The following ARHGEF28 variants were observed in gnomAD, a reference collection of about 807,000 sequenced individuals.
ARHGEF28 encodes Rho guanine nucleotide exchange factor 28.
A neutral mutation model predicts 206.6 loss-of-function variants in ARHGEF28; 152 were observed. That is an observed-to-expected ratio of 0.74 (90% confidence interval 0.64 to 0.84). The LOEUF (loss-of-function observed/expected upper bound fraction) is 0.84, where lower values mean the gene tolerates loss of function less well. Ranked by LOEUF, ARHGEF28 falls within the 40% of genes least tolerant of loss-of-function variation. The pLI, the probability that ARHGEF28 is intolerant of heterozygous loss-of-function variation, is 0.00. For synonymous variants in ARHGEF28, 763 were observed against 776.4 expected, an observed-to-expected ratio of 0.98 and a Z score of 0.29; for missense variants, 2,028 against 2,073.2, an observed-to-expected ratio of 0.98 and a Z score of 0.42.
chr5:73,928,051 A>C (rs1763915045), intron 35 of ARHGEF28, among the ~76,000 whole-genome samples: 1 of 152,238 alleles, frequency 6.6e-6, no homozygotes, highest in South Asian at 2.1e-4. Flanking sequence ...TGTTTTCCTG[A>C]ATACTGTGAA....
chr5:73,794,584 T>C, intron 8 of ARHGEF28, 130 bp downstream of exon 8: 1 of 780,098 alleles, frequency 1.3e-6, no homozygotes, highest in Non-Finnish European at 2.0e-6. Context: ...CAGAATAATG[T>C]GAAATTCTGT....
chr5:73,813,440 C>CT (rs1755967851), intron 9 of ARHGEF28: 3 of 1,408,680 alleles, frequency 2.1e-6, no homozygotes, highest in Non-Finnish European at 2.8e-6. Flanking sequence ...CATTTATTGC[C>CT]TTTCCCTCCC....
intron 22 of ARHGEF28, among the ~76,000 whole-genome samples, chr5:73,882,078 A>AT (rs11411598): frequency 0.42 from 62,257 of 147,766 alleles, 13,386 homozygotes; most frequent in African/African-American, 0.5. Flanking sequence ...CAAATGAGTG[A>AT]TTTTTTTTGG....
intron 9 of ARHGEF28, chr5:73,828,047 A>G (rs1390571363): frequency 5.3e-5 from 8 of 152,236 alleles, no homozygotes; most frequent in Non-Finnish European, 1.2e-4. Flanking sequence ...AGCCTGCTAG[A>G]CAAATTTGAA....
intron 35 of ARHGEF28, among the ~76,000 whole-genome samples, chr5:73,925,717 C>CT (rs1158832630): frequency 1.3e-5 from 2 of 151,826 alleles, no homozygotes; most frequent in East Asian, 3.9e-4. Flanking sequence ...CACTTTGTGC[C>CT]TTTTGGGGCC....
intron 4 of ARHGEF28, among the ~76,000 whole-genome samples, chr5:73,758,172 A>G (rs1580576755): frequency 6.6e-6 from 1 of 152,314 alleles, no homozygotes; most frequent in East Asian, 1.9e-4. Flanking sequence ...ATCTCCAAAG[A>G]CAGATGGCAT....
At chr5:73,842,203 C>T (rs376755452) in intron 11 of ARHGEF28, among the ~76,000 whole-genome samples, 15 of 152,230 alleles carry the variant, frequency 9.9e-5, no homozygotes, top group African/African-American at 3.6e-4. Flanking sequence ...CATATCCTAC[C>T]CATGTGATTA....
rs778692228 is a variant in ARHGEF28 at position 73,873,217 on chromosome 5, G to A, written c.2785G>A (p.Asp929Asn). 48 of 1,611,236 alleles carry A rather than the reference G, an allele frequency of 3.0e-5. No individual in the cohort carries two copies. Among genetic ancestry groups the A allele is most frequent in the Non-Finnish European group, 3.8e-5 (45 of 1,178,746 alleles). The change falls in exon 22 of 36, where the codon GAC (aspartate) becomes AAC (asparagine). Residue 929 changes from aspartate to asparagine, a missense_variant. Transcript: ENST00000513042. ...CAGSDRNFVI[D>N]RIGDILVQQF... ...TGGCAGCGACAGGAATTTTGTGATC[G>A]ACCGAATTGGAGATATTTTGGTACA...
intron 16 of ARHGEF28, 41 bp downstream of exon 16, chr5:73,858,260 T>G: frequency 6.5e-7 from 1 of 1,530,112 alleles, no homozygotes; most frequent in South Asian, 1.3e-5. Flanking sequence ...TGTTTTCATC[T>G]CCTGACAGTA....
At position 73,725,640 on chromosome 5, in the gene ARHGEF28, G is replaced by A. The variant is rs202076009; in HGVS notation, c.34-24197G>A. Among the ~76,000 whole-genome samples the A allele has an allele frequency of 4.5e-4, 68 of 152,280 alleles. 1 individual carries two copies. Among genetic ancestry groups the A allele is most frequent in the African/African-American group, 1.5e-3 (62 of 41,560 alleles). On this transcript the variant is annotated intron_variant, in intron 2 of 35. Coordinates refer to ENST00000513042, the MANE Select transcript of ARHGEF28 (RefSeq NM_001177693.2). ...TTATTTTCTTTTTAATGCTGCATTA[G>A]TGGTTCAAGTGAGGTCTCTGTTTTG...
chr5:73,843,160 T>G (rs970860371), intron 11 of ARHGEF28, among the ~76,000 whole-genome samples: 1 of 152,160 alleles, frequency 6.6e-6, no homozygotes, highest in South Asian at 2.1e-4. Flanking sequence ...TACTTTCTGA[T>G]CATGGTCTTG....
At position 73,892,038 on chromosome 5, in the gene ARHGEF28, C is replaced by A; in HGVS notation, c.3388-14C>A. The A allele has an allele frequency of 6.3e-7, 1 of 1,591,988 alleles. No individual in the cohort carries two copies. The highest frequency in any genetic ancestry group is 1.3e-5 in the African/African-American group (1 of 74,784). On this transcript the variant is annotated splice_polypyrimidine_tract_variant and intron_variant, in intron 26 of 35. Transcript: ENST00000513042. Reference sequence around the variant, plus strand: ...GGATGCTGTTTCATCTGCTCACCTTCCTATTTTATGTAGGATCAGAAGCCA... The same window carrying A: ...GGATGCTGTTTCATCTGCTCACCTTACTATTTTATGTAGGATCAGAAGCCA...
At chr5:73,899,448 C>G (rs1324382658) in intron 30 of ARHGEF28, 1 of 152,138 alleles carries the variant, frequency 6.6e-6, no homozygotes, top group Non-Finnish European at 1.5e-5. Flanking sequence ...AAAGGGACAC[C>G]CGTGGCATTT....
intron 9 of ARHGEF28, among the ~76,000 whole-genome samples, chr5:73,810,052 A>T (rs1225728877): frequency 6.6e-6 from 1 of 152,260 alleles, no homozygotes; most frequent in Non-Finnish European, 1.5e-5. Flanking sequence ...AACAAGGAGG[A>T]TAAATGATCC....
chr5:73,690,327 A>G (rs926824780), intron 2 of ARHGEF28, among the ~76,000 whole-genome samples: 2 of 151,998 alleles, frequency 1.3e-5, no homozygotes, highest in African/African-American at 4.8e-5. Context: ...ACATTTTGTA[A>G]ATCAAGGAGA....
At position 73,776,676 on chromosome 5, in the gene ARHGEF28, G is replaced by T. The variant is rs184555497; in HGVS notation, c.820G>T (p.Asp274Tyr). ...DIKLFRKYFWDRAFLVKAFEP... is the reference protein window; with the variant it reads ...DIKLFRKYFWYRAFLVKAFEP... ...TAAACTCTTCCGGAAATACTTTTGG[G>T]ATAGAGCCTTTCTTGTCAAGGTTTG... Residue 274 changes from aspartate to tyrosine, a missense_variant, in exon 6 of 36, where the codon GAT becomes TAT. Transcript: ENST00000513042. The T allele has an allele frequency of 5.9e-4, 944 of 1,613,152 alleles. 7 individuals carry two copies. The Middle Eastern group carries it at 0.01, about 17-fold the overall frequency.
At chr5:73,703,845 G>C (rs1215109495) in intron 2 of ARHGEF28, among the ~76,000 whole-genome samples, 2 of 151,944 alleles carry the variant, frequency 1.3e-5, no homozygotes, top group African/African-American at 4.8e-5. Context: ...AGACAAGCCT[G>C]GACAATATGG....
intron 1 of ARHGEF28, among the ~76,000 whole-genome samples, chr5:73,634,106 C>T (rs1180606014): frequency 6.6e-6 from 1 of 152,084 alleles, no homozygotes; most frequent in Non-Finnish European, 1.5e-5. Flanking sequence ...TTCATATTCA[C>T]TACCCCTTTT....
At chr5:73,711,393 T>A (rs918518678) in intron 2 of ARHGEF28, among the ~76,000 whole-genome samples, 1 of 152,176 alleles carries the variant, frequency 6.6e-6, no homozygotes, top group Non-Finnish European at 1.5e-5. Context: ...ACAATTGTGT[T>A]ATATCTATAG....
Sources: gnomAD v4.1 joint callset for allele counts (sites outside exome capture counted in the v4.1 genomes callset) on GRCh38, gnomAD v4.1.1 for gene constraint, MANE v1.5 for transcripts, NCBI Gene and HGNC (gene_info 2026-07-23, HGNC 2026-07-21) for gene names.